The following PDE11A variants were observed in gnomAD, a reference collection of about 807,000 sequenced individuals.
PDE11A encodes dual 3',5'-cyclic-AMP and -GMP phosphodiesterase 11A.
A neutral mutation model predicts 100.5 loss-of-function variants in PDE11A; 100 were observed. The ratio of observed to expected loss-of-function variants is 1.00; its 90% CI spans 0.85 to 1.18. The LOEUF (loss-of-function observed/expected upper bound fraction) is 1.18. Among genes scored for constraint, PDE11A ranks in the 50% most tolerant of loss-of-function variants. The probability of loss-of-function intolerance (pLI) is 0.00; values close to 1 mark genes in which losing one functional copy is unlikely to be tolerated. For synonymous variants in PDE11A, 381 were observed against 420.8 expected, an observed-to-expected ratio of 0.91 and a Z score of 1.16; for missense variants, 1,141 against 1,152.6, an observed-to-expected ratio of 0.99 and a Z score of 0.15.
At chr2:177,962,056 C>CAAAA (rs34148492) in intron 2 of PDE11A, among the ~76,000 whole-genome samples, 3 of 66,346 alleles carry the variant, frequency 4.5e-5, no homozygotes, top group Non-Finnish European at 5.3e-5. Flanking sequence ...GACACTGTCT[C>CAAAA]AAAAAAAAAA....
intron 9 of PDE11A, among the ~76,000 whole-genome samples, chr2:177,782,769 T>TC (rs1285632779): frequency 3.3e-5 from 5 of 152,018 alleles, no homozygotes; most frequent in Non-Finnish European, 7.4e-5. Flanking sequence ...CTTCCCTTCT[T>TC]CCCTACTTCC....
At chr2:178,081,524 A>C (rs984793532) in intron 2 of PDE11A, among the ~76,000 whole-genome samples, 2 of 152,232 alleles carry the variant, frequency 1.3e-5, no homozygotes, top group Non-Finnish European at 2.9e-5. Flanking sequence ...ATTTGTTAAC[A>C]ATGACCAAAA....
intron 2 of PDE11A, chr2:178,093,082 T>G (rs2087444481): frequency 6.6e-6 from 1 of 152,244 alleles, no homozygotes; most frequent in South Asian, 2.1e-4. Flanking sequence ...GAGGCTATTT[T>G]AACTGAGACT....
chr2:178,067,519 GC>G (rs2087063525), intron 1 of PDE11A, among the ~76,000 whole-genome samples: 1 of 152,108 alleles, frequency 6.6e-6, no homozygotes, highest in African/African-American at 2.4e-5. Flanking sequence ...CTCTGCTAAA[GC>G]TATTTTGTTG....
chr2:177,862,109 G>T (rs942862416), intron 5 of PDE11A, among the ~76,000 whole-genome samples: 14 of 151,732 alleles, frequency 9.2e-5, no homozygotes, highest in African/African-American at 3.4e-4. Flanking sequence ...ACACCATCAA[G>T]AAAGTGAGAA....
chr2:177,899,286 C>T (rs535726406), intron 3 of PDE11A, among the ~76,000 whole-genome samples: 2 of 151,984 alleles, frequency 1.3e-5, no homozygotes, highest in South Asian at 4.2e-4. Context: ...GGCATGTTCC[C>T]GTAGTCCCAG....
At chr2:177,964,373 T>C (rs2085671945) in intron 2 of PDE11A, among the ~76,000 whole-genome samples, 1 of 152,234 alleles carries the variant, frequency 6.6e-6, no homozygotes, top group Non-Finnish European at 1.5e-5. Context: ...TAACTCTATT[T>C]CTATTTTTTT....
intron 17 of PDE11A, among the ~76,000 whole-genome samples, chr2:177,670,475 C>T (rs7605757): frequency 0.28 from 27,373 of 97,428 alleles, 3,150 homozygotes; most frequent in East Asian, 0.5. Flanking sequence ...CTATTTTCAA[C>T]GCTACTACAG....
chr2:177,623,567 C>T lies in PDE11A; in HGVS notation c.*5840G>A, dbSNP rs1183719681. On this transcript the variant is annotated 3_prime_UTR_variant, in exon 20 of 20. Transcript: ENST00000286063. The stretch of plus-strand genomic sequence containing the variant: ...GGAATGAGACTCAACAAAACTTAGC[C>T]TCCTATTTCCAATGTTATTTTTAAA... 2.6e-5 allele frequency: 4 copies of T among 152,190 alleles called. No individual in the cohort carries two copies. The highest frequency in any genetic ancestry group is 5.9e-5 in the Non-Finnish European group (4 of 68,026). 9.4% of individuals were successfully genotyped at this position (152,190 alleles called of 1,614,324 possible).
intron 19 of PDE11A, among the ~76,000 whole-genome samples, chr2:177,658,509 TCC>T (rs935456215): frequency 6.6e-6 from 1 of 150,586 alleles, no homozygotes; most frequent in Admixed American, 6.6e-5. Context: ...CTTTTTTCCC[TCC>T]CTCTCTCTCT....
intron 2 of PDE11A, among the ~76,000 whole-genome samples, chr2:178,093,527 C>G (rs2087449745): frequency 6.6e-6 from 1 of 152,102 alleles, no homozygotes; most frequent in Non-Finnish European, 1.5e-5. Flanking sequence ...CTTTCTAAAA[C>G]CAGTCAAAAA....
chr2:178,054,455 A>G (rs1475456405), intron 1 of PDE11A, among the ~76,000 whole-genome samples: 2 of 152,232 alleles, frequency 1.3e-5, no homozygotes, highest in Non-Finnish European at 2.9e-5. Context: ...CTTCATGTCT[A>G]AAATACCAAA....
At chr2:177,851,010 A>G (rs2083691223) in intron 5 of PDE11A, among the ~76,000 whole-genome samples, 1 of 152,228 alleles carries the variant, frequency 6.6e-6, no homozygotes, top group Non-Finnish European at 1.5e-5. Context: ...TAGAAATACC[A>G]TTTGACCCAG....
At chr2:177,923,588 C>G (rs1316705185) in intron 2 of PDE11A, among the ~76,000 whole-genome samples, 1 of 152,106 alleles carries the variant, frequency 6.6e-6, no homozygotes, top group Non-Finnish European at 1.5e-5. Flanking sequence ...GTAGACTTAG[C>G]CAGAACTTAG....
rs1300234220 is a variant in PDE11A, at chr2:177,625,086, T to A, written c.*4321A>T. Reference sequence around the variant, plus strand: ...CCCTGTCTCAAAAAAAGGACATATCTTTTTTTAAATTGTATTGATGACTAC... The same window carrying A: ...CCCTGTCTCAAAAAAAGGACATATCATTTTTTAAATTGTATTGATGACTAC... On this transcript the variant is annotated 3_prime_UTR_variant, in exon 20 of 20. Coordinates refer to ENST00000286063, the MANE Select transcript of PDE11A (RefSeq NM_016953.4). 1 of 152,628 alleles carries A rather than the reference T, an allele frequency of 6.6e-6. No homozygotes were observed. The highest frequency in any genetic ancestry group is 2.4e-5 in the African/African-American group (1 of 41,442). 9.5% of individuals were successfully genotyped at this position (152,628 alleles called of 1,614,324 possible). A position where few individuals can be genotyped will look rare whatever the true frequency, so the allele number is the denominator to read the frequency against.
At chr2:177,675,099 G>C (rs1381467508) in intron 17 of PDE11A, among the ~76,000 whole-genome samples, 1 of 149,932 alleles carries the variant, frequency 6.7e-6, no homozygotes, top group Non-Finnish European at 1.5e-5. Flanking sequence ...TTTATTTTCA[G>C]ATATTAAAAA....
At chr2:178,020,400 C>A (rs181061291) in intron 1 of PDE11A, among the ~76,000 whole-genome samples, 58 of 152,330 alleles carry the variant, frequency 3.8e-4, no homozygotes, top group African/African-American at 1.3e-3. Context: ...ACAATAGACA[C>A]TGGGATGCTT....
intron 2 of PDE11A, among the ~76,000 whole-genome samples, chr2:177,923,763 T>A (rs2085088134): frequency 6.6e-6 from 1 of 152,182 alleles, no homozygotes; most frequent in Non-Finnish European, 1.5e-5. Flanking sequence ...TAACCTTCAT[T>A]TCAGGCAGAA....
rs16865527 is a variant in PDE11A, at chr2:177,656,992, C to T, written c.2646+6874G>A. On this transcript the variant is annotated intron_variant, in intron 19 of 19. Transcript: ENST00000286063. ...TTTCCGAATGCTATACCGAGGACTT[C>T]GGAAGGTACCTTATAGATGGTGATA... Among the ~76,000 whole-genome samples, 741 of 152,108 alleles carry T rather than the reference C, an allele frequency of 4.9e-3. 5 individuals carry two copies. Among genetic ancestry groups the T allele is most frequent in the East Asian group, 0.029 (153 of 5,188 alleles).
Sources: gnomAD v4.1 joint callset for allele counts (sites outside exome capture counted in the v4.1 genomes callset) on GRCh38, gnomAD v4.1.1 for gene constraint, MANE v1.5 for transcripts, NCBI Gene and HGNC (gene_info 2026-07-23, HGNC 2026-07-21) for gene names.